RABGAP1L: variants seen among roughly 807,000 people sequenced by gnomAD.
RABGAP1L encodes the protein rab GTPase-activating protein 1-like.
A neutral mutation model predicts 137.7 loss-of-function variants in RABGAP1L; 63 were observed. The ratio of observed to expected loss-of-function variants is 0.46; its 90% CI spans 0.37 to 0.56. The LOEUF (loss-of-function observed/expected upper bound fraction) is 0.56, where lower values mean the gene tolerates loss of function less well. Ranked by LOEUF, RABGAP1L falls within the 20% of genes least tolerant of loss-of-function variation. The probability of loss-of-function intolerance (pLI) is 0.00; values close to 1 mark genes in which losing one functional copy is unlikely to be tolerated. For synonymous variants in RABGAP1L, 431 were observed against 433.7 expected (o/e 0.99, Z 0.08); for missense variants, 1,095 against 1,244.0 (o/e 0.88, Z 1.80).
chr1:174,522,632 A>G (rs948872538), intron 13 of RABGAP1L, among the ~76,000 whole-genome samples: 1 of 152,218 alleles, frequency 6.6e-6, no homozygotes, highest in Non-Finnish European at 1.5e-5. Flanking sequence ...ATTTATAAAG[A>G]AAAGAGCTTT....
chr1:174,690,735 A>G (rs1396302319), intron 15 of RABGAP1L, among the ~76,000 whole-genome samples: 1 of 152,074 alleles, frequency 6.6e-6, no homozygotes, highest in Non-Finnish European at 1.5e-5. Flanking sequence ...TAGACAAATG[A>G]CTAGAAGTTT....
intron 3 of RABGAP1L, among the ~76,000 whole-genome samples, chr1:174,227,942 C>T (rs1046102449): frequency 6.6e-6 from 1 of 150,522 alleles, no homozygotes; most frequent in African/African-American, 2.4e-5. Flanking sequence ...TTCTCGTGCT[C>T]TTCAGTTTTC....
intron 9 of RABGAP1L, among the ~76,000 whole-genome samples, chr1:174,276,516 C>G (rs891365604): frequency 1.3e-5 from 2 of 151,934 alleles, no homozygotes; most frequent in Non-Finnish European, 2.9e-5. Flanking sequence ...AGAGTTATTT[C>G]ATTTGTGGAG....
At chr1:174,342,561 G>A (rs976884592) in intron 11 of RABGAP1L, among the ~76,000 whole-genome samples, 2 of 152,010 alleles carry the variant, frequency 1.3e-5, no homozygotes, top group Admixed American at 1.3e-4. Flanking sequence ...AAGATAAGCA[G>A]CTTTGTATTA....
At chr1:174,334,915 A>C (rs1681345744) in intron 11 of RABGAP1L, among the ~76,000 whole-genome samples, 1 of 152,216 alleles carries the variant, frequency 6.6e-6, no homozygotes, top group South Asian at 2.1e-4. Context: ...TTAAAACATC[A>C]AAAACATAAA....
At chr1:174,184,860 CTTTA>C (rs1016116869) in intron 1 of RABGAP1L, among the ~76,000 whole-genome samples, 1 of 152,206 alleles carries the variant, frequency 6.6e-6, no homozygotes, top group Admixed American at 6.5e-5. Context: ...AGACTAGTCT[CTTTA>C]TTTATTTCTT....
chr1:174,766,860 T>C (rs1215575517), intron 18 of RABGAP1L, among the ~76,000 whole-genome samples: 1 of 152,190 alleles, frequency 6.6e-6, no homozygotes, highest in East Asian at 1.9e-4. Context: ...GAATCACCAA[T>C]AGAACAGACT....
chr1:174,557,026 A>G (rs1348599019), intron 13 of RABGAP1L, among the ~76,000 whole-genome samples: 1 of 152,236 alleles, frequency 6.6e-6, no homozygotes, highest in African/African-American at 2.4e-5. Context: ...ATGAACTGGC[A>G]CATTTATGAC....
intron 14 of RABGAP1L, among the ~76,000 whole-genome samples, chr1:174,676,089 C>A (rs1255959099): frequency 6.6e-6 from 1 of 152,056 alleles, no homozygotes; most frequent in African/African-American, 2.4e-5. Context: ...GTAGTGACTG[C>A]AGCCTGAAAA....
chr1:174,254,327 C>G (rs1325324462), intron 7 of RABGAP1L, among the ~76,000 whole-genome samples: 1 of 152,090 alleles, frequency 6.6e-6, no homozygotes, highest in Non-Finnish European at 1.5e-5. Flanking sequence ...TAATTGATGG[C>G]ATTTTTTAAA....
chr1:174,882,087 C>T (rs1654330206), intron 19 of RABGAP1L, among the ~76,000 whole-genome samples: 2 of 152,112 alleles, frequency 1.3e-5, no homozygotes, highest in African/African-American at 4.8e-5. Context: ...TCTCGAACTC[C>T]TGACTTCAGT....
At chr1:174,904,011 G>A (rs1204539247) in intron 19 of RABGAP1L, among the ~76,000 whole-genome samples, 2 of 150,970 alleles carry the variant, frequency 1.3e-5, no homozygotes, top group African/African-American at 2.4e-5. Context: ...TGGTGACATG[G>A]AAGCAAGCTG....
At chr1:174,286,792 G>T (rs1349046494) in intron 10 of RABGAP1L, among the ~76,000 whole-genome samples, 1 of 151,712 alleles carries the variant, frequency 6.6e-6, no homozygotes, top group African/African-American at 2.4e-5. Context: ...ATTTCCTTTT[G>T]ACCCATTGAT....
At chr1:174,942,416 C>T (rs1032667409) in intron 19 of RABGAP1L, among the ~76,000 whole-genome samples, 1 of 152,092 alleles carries the variant, frequency 6.6e-6, no homozygotes, top group African/African-American at 2.4e-5. Flanking sequence ...TTATAGCACA[C>T]AGATTTAAAA....
chr1:174,793,512 C>T (rs1306529023), intron 18 of RABGAP1L, among the ~76,000 whole-genome samples: 1 of 152,208 alleles, frequency 6.6e-6, no homozygotes, highest in Admixed American at 6.5e-5. Context: ...TACTCTAATT[C>T]TTCGATGTTT....
intron 18 of RABGAP1L, among the ~76,000 whole-genome samples, chr1:174,759,867 A>G (rs1313594856): frequency 7.0e-6 from 1 of 142,342 alleles, no homozygotes; most frequent in Non-Finnish European, 1.6e-5. Flanking sequence ...GCCATTCATG[A>G]GGGATCTACA....
intron 1 of RABGAP1L, among the ~76,000 whole-genome samples, chr1:174,169,645 C>T (rs1198044896): frequency 6.6e-6 from 1 of 152,046 alleles, no homozygotes; most frequent in Non-Finnish European, 1.5e-5. Flanking sequence ...TCATTATGTT[C>T]CACTGAGTAT....
chr1:174,444,577 T>C (rs1423683483), intron 13 of RABGAP1L, among the ~76,000 whole-genome samples: 1 of 152,116 alleles, frequency 6.6e-6, no homozygotes, highest in East Asian at 1.9e-4. Context: ...GTTCTGGGCA[T>C]GTCTTTGATG....
chr1:174,270,491 A>G (rs1307002199), intron 7 of RABGAP1L, among the ~76,000 whole-genome samples: 3 of 152,078 alleles, frequency 2.0e-5, no homozygotes, highest in Non-Finnish European at 4.4e-5. Flanking sequence ...ATTGGTTACA[A>G]TGTTCAGTCT....
Sources: allele counts gnomAD v4.1 joint callset (sites outside exome capture counted in the v4.1 genomes callset), GRCh38; gene constraint gnomAD v4.1.1; transcripts MANE v1.5; gene names NCBI Gene and HGNC (gene_info 2026-07-23, HGNC 2026-07-21).